The following SPHKAP variants were observed in gnomAD, a reference collection of about 807,000 sequenced individuals.
SPHKAP encodes the protein SPHK1 interactor, AKAP domain containing, also known as A-kinase anchor protein SPHKAP.
Under a neutral mutation model 137.5 loss-of-function variants are expected in SPHKAP, and 67 were observed. The observed-to-expected ratio is 0.49, with a 90% confidence interval of 0.40 to 0.60. SPHKAP has a LOEUF of 0.60. SPHKAP is among the 20% of genes least tolerant of loss of function. SPHKAP has a pLI of 0.00. For synonymous variants in SPHKAP, 813 were observed against 785.3 expected, an observed-to-expected ratio of 1.04 and a Z score of -0.59; for missense variants, 2,097 against 2,069.3, an observed-to-expected ratio of 1.01 and a Z score of -0.26.
chr2:228,075,224 C>A (rs930352288), intron 3 of SPHKAP, among the ~76,000 whole-genome samples: 2 of 152,164 alleles, frequency 1.3e-5, no homozygotes, highest in Admixed American at 1.3e-4. Flanking sequence ...TCTGTTGTGC[C>A]ACAAATGTAG....
intron 3 of SPHKAP, among the ~76,000 whole-genome samples, chr2:228,061,670 G>T (rs1412385327): frequency 1.3e-5 from 2 of 151,548 alleles, no homozygotes; most frequent in African/African-American, 4.9e-5. Context: ...AAAGATTTTT[G>T]CTTGACAATA....
chr2:227,990,999 C>T lies in SPHKAP; in HGVS notation c.4959+1G>A. On this transcript the variant is annotated splice_donor_variant, in intron 11 of 11. Transcript: ENST00000392056. LOFTEE classifies it high-confidence loss of function. Reference sequence around the variant, plus strand: ...TGTTTTCCAAACCTGGTACATGATACCTTTTCAATTCTGTTTTCCTGAGAT... The same window carrying T: ...TGTTTTCCAAACCTGGTACATGATATCTTTTCAATTCTGTTTTCCTGAGAT... 1 of 1,613,570 alleles carries T rather than the reference C, an allele frequency of 6.2e-7. No individual in the cohort carries two copies. Among genetic ancestry groups the T allele is most frequent in the Non-Finnish European group, 8.5e-7 (1 of 1,179,642 alleles).
intron 1 of SPHKAP, among the ~76,000 whole-genome samples, chr2:228,157,872 C>T (rs755541780): frequency 4.6e-5 from 7 of 151,944 alleles, no homozygotes; most frequent in Middle Eastern, 3.4e-3. Flanking sequence ...AATTATGAGT[C>T]TTAAAAGAAA....
chr2:228,063,102 G>C lies in SPHKAP; in HGVS notation c.247-35559C>G, dbSNP rs1195299421. Reference sequence around the variant, plus strand: ...AAGATTTTACTATTTAATTTATATGGAAAAATGATTTGTGGCATCTGCTGA... The same window carrying C: ...AAGATTTTACTATTTAATTTATATGCAAAAATGATTTGTGGCATCTGCTGA... On this transcript the variant is annotated intron_variant, in intron 3 of 11. Coordinates refer to ENST00000392056, the MANE Select transcript of SPHKAP (RefSeq NM_001142644.2). Among the ~76,000 whole-genome samples the C allele has an allele frequency of 3.9e-5, 6 of 152,020 alleles. No homozygotes were observed. In the East Asian group the frequency reaches 1.2e-3, roughly 29 times the overall value.
intron 2 of SPHKAP, among the ~76,000 whole-genome samples, chr2:228,122,575 G>T (rs1018276061): frequency 6.6e-6 from 1 of 152,140 alleles, no homozygotes; most frequent in Admixed American, 6.6e-5. Context: ...CCCACCTAGG[G>T]TCACCACATT....
chr2:228,091,745 C>T (rs1036917746), intron 3 of SPHKAP, among the ~76,000 whole-genome samples: 23 of 151,730 alleles, frequency 1.5e-4, no homozygotes, highest in Non-Finnish European at 1.3e-4. Context: ...GCAAGAATGG[C>T]CATAATCAAA....
intron 11 of SPHKAP, among the ~76,000 whole-genome samples, chr2:227,982,648 T>C (rs1335042524): frequency 6.6e-6 from 1 of 152,192 alleles, no homozygotes; most frequent in Non-Finnish European, 1.5e-5. Context: ...CCAGGAACTG[T>C]AGGAAATATT....
chr2:227,984,749 C>T (rs1559332445), intron 11 of SPHKAP, among the ~76,000 whole-genome samples: 1 of 152,166 alleles, frequency 6.6e-6, no homozygotes, highest in Non-Finnish European at 1.5e-5. Context: ...TGCAGAAGGC[C>T]TGGACATTGA....
At chr2:228,007,070 T>C (rs775459466) in intron 7 of SPHKAP, among the ~76,000 whole-genome samples, 2 of 152,120 alleles carry the variant, frequency 1.3e-5, no homozygotes, top group South Asian at 4.1e-4. Flanking sequence ...CAAAGCTCAG[T>C]TGGAAATGCA....
chr2:228,153,251 C>G (rs1008193708), intron 1 of SPHKAP, among the ~76,000 whole-genome samples: 1 of 152,072 alleles, frequency 6.6e-6, no homozygotes, highest in African/African-American at 2.4e-5. Context: ...TATTTTTGAC[C>G]CCACAGGTTA....
At chr2:228,060,688 G>A (rs1414999129) in intron 3 of SPHKAP, among the ~76,000 whole-genome samples, 2 of 152,130 alleles carry the variant, frequency 1.3e-5, no homozygotes, top group East Asian at 3.8e-4. Flanking sequence ...TGTTTGATGA[G>A]GAATGTTTAT....
intron 1 of SPHKAP, among the ~76,000 whole-genome samples, chr2:228,171,541 A>G (rs10203311): frequency 0.13 from 20,506 of 152,204 alleles, 1,391 homozygotes; most frequent in East Asian, 0.2. Context: ...CAATTATGTC[A>G]AATTCTCCTA....
intron 7 of SPHKAP, chr2:227,996,284 C>G (rs1693638162): frequency 5.1e-6 from 1 of 197,704 alleles, no homozygotes; most frequent in African/African-American, 2.4e-5. Flanking sequence ...TCTGAAACCC[C>G]TGATTTATAT....
chr2:228,035,534 T>A (rs1011659960), intron 3 of SPHKAP, among the ~76,000 whole-genome samples: 101 of 152,190 alleles, frequency 6.6e-4, no homozygotes, highest in Non-Finnish European at 8.8e-4. Context: ...AAAACTACTT[T>A]AAAGTTCATA....
chr2:228,080,415 C>T (rs1007645486), intron 3 of SPHKAP, among the ~76,000 whole-genome samples: 3 of 152,072 alleles, frequency 2.0e-5, no homozygotes, highest in African/African-American at 7.2e-5. Context: ...TGCATTAAAA[C>T]CACAATGATG....
At chr2:227,994,567 A>T (rs988236738) in intron 8 of SPHKAP, among the ~76,000 whole-genome samples, 1 of 152,132 alleles carries the variant, frequency 6.6e-6, no homozygotes. Context: ...AAAGTAGAAA[A>T]TATCAACTGG....
chr2:228,156,276 T>G (rs1411473910), intron 1 of SPHKAP, among the ~76,000 whole-genome samples: 1 of 152,222 alleles, frequency 6.6e-6, no homozygotes. Context: ...ACTGGCTCAA[T>G]TCTTCTCCAC....
At chr2:228,167,449 G>A (rs1335130739) in intron 1 of SPHKAP, among the ~76,000 whole-genome samples, 3 of 152,068 alleles carry the variant, frequency 2.0e-5, no homozygotes, top group Non-Finnish European at 4.4e-5. Context: ...TTAAAAAGTT[G>A]AAGTAAAAAT....
At chr2:228,175,988 C>A (rs2106434433) in intron 1 of SPHKAP, among the ~76,000 whole-genome samples, 1 of 152,258 alleles carries the variant, frequency 6.6e-6, no homozygotes, top group East Asian at 1.9e-4. Flanking sequence ...GAAGCAATGG[C>A]TAAAGACTCA....
Sources: allele counts gnomAD v4.1 joint callset (sites outside exome capture counted in the v4.1 genomes callset), GRCh38; gene constraint gnomAD v4.1.1; transcripts MANE v1.5; gene names NCBI Gene and HGNC (gene_info 2026-07-23, HGNC 2026-07-21).